The following CDH23 variants were observed in gnomAD, a reference collection of about 807,000 sequenced individuals.
The protein encoded by CDH23 is cadherin-23.
CDH23 carries 189 observed loss-of-function variants against 317.1 expected under a neutral mutation model. The observed-to-expected ratio is 0.60, with a 90% CI of 0.53 to 0.67. CDH23 has a LOEUF of 0.67. Among genes scored for constraint, CDH23 ranks in the 30% least tolerant of loss-of-function variants. The pLI, the probability that CDH23 is intolerant of heterozygous loss-of-function variation, is 0.00. For missense variants in CDH23, 4,401 were observed against 4,592.4 expected, an observed-to-expected ratio of 0.96 and a Z score of 1.20; for synonymous variants, 1,839 against 1,876.8, an observed-to-expected ratio of 0.98 and a Z score of 0.52.
chr10:71,661,905 G>GCGCC (rs1353977921), intron 14 of CDH23, among the ~76,000 whole-genome samples: 39 of 113,586 alleles, frequency 3.4e-4, no homozygotes, highest in Non-Finnish European at 6.0e-4. Context: ...CCCACCCAGC[G>GCGCC]CGCCCCCTTC....
chr10:71,809,035 G>T (rs1367868245), intron 60 of CDH23, among the ~76,000 whole-genome samples: 1 of 152,140 alleles, frequency 6.6e-6, no homozygotes, highest in Admixed American at 6.5e-5. Context: ...GCACATAGAG[G>T]CTCAGTAGCT....
At chr10:71,559,485 G>T (rs894731766) in intron 6 of CDH23, among the ~76,000 whole-genome samples, 1 of 152,216 alleles carries the variant, frequency 6.6e-6, no homozygotes, top group Non-Finnish European at 1.5e-5. Flanking sequence ...CTGGGAAAGA[G>T]GGGGAGGTCT....
At chr10:71,484,095 T>TG (rs1302682323) in intron 3 of CDH23, among the ~76,000 whole-genome samples, 1 of 152,028 alleles carries the variant, frequency 6.6e-6, no homozygotes, top group African/African-American at 2.4e-5. Context: ...TATCTGGATG[T>TG]GGGGGGTGAG....
At chr10:71,689,173 G>GTA (rs1865084819) in intron 19 of CDH23, among the ~76,000 whole-genome samples, 4 of 56,924 alleles carry the variant, frequency 7.0e-5, no homozygotes, top group African/African-American at 2.8e-4. Context: ...GGAGTCAGGG[G>GTA]TGGTAGAGTC....
intron 8 of CDH23, among the ~76,000 whole-genome samples, chr10:71,573,708 C>T (rs545062895): frequency 2.0e-5 from 3 of 152,366 alleles, no homozygotes; most frequent in Admixed American, 6.5e-5. Flanking sequence ...GCTAGACCCC[C>T]GATCTGGGTG....
intron 23 of CDH23, 141 bp downstream of exon 23, chr10:71,702,352 T>G: frequency 1.7e-6 from 2 of 1,150,492 alleles, no homozygotes; most frequent in Non-Finnish European, 2.5e-6. Context: ...ACGCCCCAGT[T>G]GTGACTCCTA....
At chr10:71,635,024 C>T (rs1862195633) in intron 11 of CDH23, among the ~76,000 whole-genome samples, 1 of 152,248 alleles carries the variant, frequency 6.6e-6, no homozygotes, top group Non-Finnish European at 1.5e-5. Flanking sequence ...AACCATGTGA[C>T]ATGGGCTTGG....
intron 30 of CDH23, among the ~76,000 whole-genome samples, chr10:71,726,884 T>C (rs985954539): frequency 2.6e-5 from 4 of 152,222 alleles, no homozygotes; most frequent in Non-Finnish European, 5.9e-5. Flanking sequence ...TGCCTCAGCA[T>C]TGTGGCTGCA....
chr10:71,563,281 C>T (rs931265020), intron 6 of CDH23, among the ~76,000 whole-genome samples: 2 of 152,280 alleles, frequency 1.3e-5, no homozygotes, highest in South Asian at 4.2e-4. Flanking sequence ...AAGGTTCCTT[C>T]CAGCTCCTGC....
At chr10:71,802,397 G>A (rs1171997897) in intron 53 of CDH23, among the ~76,000 whole-genome samples, 19 of 152,224 alleles carry the variant, frequency 1.2e-4, no homozygotes, top group Non-Finnish European at 2.8e-4. Flanking sequence ...AAGGTCCCAT[G>A]GTTTGCTGTG....
intron 3 of CDH23, among the ~76,000 whole-genome samples, chr10:71,452,447 C>G (rs991329875): frequency 6.6e-5 from 10 of 152,156 alleles, no homozygotes; most frequent in African/African-American, 2.4e-4. Context: ...AGCACTGACA[C>G]CTCGCACACT....
chr10:71,760,890 T>C (rs1192463859), intron 38 of CDH23: 1 of 1,613,708 alleles, frequency 6.2e-7, no homozygotes, highest in Non-Finnish European at 8.5e-7. Flanking sequence ...GGGAGGAGGA[T>C]GGGTACACCA....
chr10:71,491,477 G>A (rs540957792), intron 3 of CDH23, among the ~76,000 whole-genome samples: 5 of 152,296 alleles, frequency 3.3e-5, no homozygotes, highest in South Asian at 2.1e-4. Flanking sequence ...ACCTGTTTAC[G>A]AGGTAAGAGC....
intron 3 of CDH23, among the ~76,000 whole-genome samples, chr10:71,476,230 C>G (rs1564604423): frequency 1.3e-5 from 2 of 152,138 alleles, no homozygotes; most frequent in Admixed American, 6.5e-5. Flanking sequence ...ATGCACATGC[C>G]CCCGTCCCCA....
intron 20 of CDH23, among the ~76,000 whole-genome samples, chr10:71,692,481 T>A (rs76555066): frequency 0.029 from 4,429 of 152,324 alleles, 282 homozygotes; most frequent in East Asian, 0.26. Context: ...AGGCCATCTA[T>A]CATGCCGACA....
intron 41 of CDH23, among the ~76,000 whole-genome samples, chr10:71,779,949 A>C (rs1243415503): frequency 6.6e-6 from 1 of 152,122 alleles, no homozygotes; most frequent in Non-Finnish European, 1.5e-5. Flanking sequence ...ACTCATTACT[A>C]TAGAGTGGGA....
chr10:71,461,046 G>T (rs898850166), intron 3 of CDH23, among the ~76,000 whole-genome samples: 1 of 152,232 alleles, frequency 6.6e-6, no homozygotes, highest in Non-Finnish European at 1.5e-5. Flanking sequence ...AGAGGCATGA[G>T]GCCAGGGAAG....
chr10:71,595,774 T>C (rs1859799083), intron 9 of CDH23, among the ~76,000 whole-genome samples: 1 of 152,150 alleles, frequency 6.6e-6, no homozygotes, highest in Non-Finnish European at 1.5e-5. Context: ...AGCCTTGATG[T>C]GGCCTGCCTG....
chr10:71,558,406 T>C (rs1231622765), intron 6 of CDH23, among the ~76,000 whole-genome samples: 3 of 152,202 alleles, frequency 2.0e-5, no homozygotes, highest in Non-Finnish European at 4.4e-5. Context: ...TTGAATTTGT[T>C]TCTACTTTTG....
Sources: allele counts gnomAD v4.1 joint callset (sites outside exome capture counted in the v4.1 genomes callset), GRCh38; gene constraint gnomAD v4.1.1; transcripts MANE v1.5; gene names NCBI Gene and HGNC (gene_info 2026-07-23, HGNC 2026-07-21).